The following SPECC1L variants were observed in gnomAD, a reference collection of about 807,000 sequenced individuals.
SPECC1L encodes sperm antigen with calponin homology and coiled-coil domains 1 like, also known as cytospin-A.
SPECC1L carries 40 observed loss-of-function variants against 116.8 expected under a neutral mutation model. The ratio of observed to expected loss-of-function variants is 0.34; its 90% CI spans 0.27 to 0.45. The LOEUF (loss-of-function observed/expected upper bound fraction) is 0.45, where lower values mean the gene tolerates loss of function less well. Ranked by LOEUF, SPECC1L falls within the 20% of genes least tolerant of loss-of-function variation. SPECC1L has a pLI of 1.00. For synonymous variants in SPECC1L, 504 were observed against 500.6 expected (o/e 1.01, Z -0.09); for missense variants, 1,110 against 1,373.6 (o/e 0.81, Z 3.03).
chr22:24,330,067 C>T (rs990546134), intron 7 of SPECC1L, among the ~76,000 whole-genome samples, 189 bp from the exon 8 acceptor site: 1 of 152,144 alleles, frequency 6.6e-6, no homozygotes, highest in Non-Finnish European at 1.5e-5. Flanking sequence ...TTATTAAGAA[C>T]AAGTTCACTA....
rs376914220 is a variant in SPECC1L, at chr22:24,329,472, A to G, written c.2220+553A>G. On this transcript the variant is annotated intron_variant, in intron 7 of 16. Transcript: ENST00000314328. ...TTTCTTCATTTTGTGGCCATGATCC[A>G]TCTTGCCAACAGCAATGCAGCCATG... Among the ~76,000 whole-genome samples the G allele has an allele frequency of 2.0e-5, 3 of 152,390 alleles. No individual in the cohort carries two copies. The East Asian group carries it at 5.8e-4, about 29-fold the overall frequency.
intron 16 of SPECC1L, 30 bp downstream of exon 16, chr22:24,412,737 AG>A (rs2042723641): frequency 6.2e-7 from 1 of 1,611,364 alleles, no homozygotes; most frequent in Admixed American, 1.7e-5. Context: ...AGTCACTGGC[AG>A]GGCCCTCCTT....
At chr22:24,365,747 GTGT>G in intron 13 of SPECC1L, 115 bp downstream of exon 13, 1 of 1,232,986 alleles carries the variant, frequency 8.1e-7, no homozygotes, top group Non-Finnish European at 1.2e-6. Flanking sequence ...CTTTTTCTGT[GTGT>G]TGTTTGCGAA....
intron 14 of SPECC1L, among the ~76,000 whole-genome samples, chr22:24,407,376 C>A (rs922496051): frequency 6.6e-6 from 1 of 152,102 alleles, no homozygotes; most frequent in African/African-American, 2.4e-5. Context: ...TCTTCCCTGG[C>A]GGGGTGTTGG....
At chr22:24,373,217 T>A (rs1444292620) in intron 14 of SPECC1L, among the ~76,000 whole-genome samples, 1 of 152,114 alleles carries the variant, frequency 6.6e-6, no homozygotes, top group African/African-American at 2.4e-5. Context: ...AATTTATAGA[T>A]TCAGTGCCAT....
chr22:24,377,314 C>A (rs115442877), intron 14 of SPECC1L, among the ~76,000 whole-genome samples: 2,210 of 150,222 alleles, frequency 0.015, 60 homozygotes, highest in African/African-American at 0.051. Context: ...CTGTTAAGAA[C>A]TTTTTTTTTT....
At chr22:24,330,648 A>G (rs2040919007) in intron 8 of SPECC1L, among the ~76,000 whole-genome samples, 1 of 152,144 alleles carries the variant, frequency 6.6e-6, no homozygotes, top group Non-Finnish European at 1.5e-5. Context: ...AGTGATCCCC[A>G]ACTCTGGAGG....
At chr22:24,303,737 G>C (rs1472814279) in intron 3 of SPECC1L, among the ~76,000 whole-genome samples, 1 of 152,086 alleles carries the variant, frequency 6.6e-6, no homozygotes, top group Non-Finnish European at 1.5e-5. Flanking sequence ...ATTTGGTCTT[G>C]AACAGTGAGT....
intron 2 of SPECC1L, among the ~76,000 whole-genome samples, chr22:24,291,612 A>C (rs1328898612): frequency 6.6e-6 from 1 of 151,982 alleles, no homozygotes; most frequent in East Asian, 1.9e-4. Context: ...GTAGTCATAC[A>C]TGGGGCATGC....
intron 2 of SPECC1L, among the ~76,000 whole-genome samples, chr22:24,285,155 T>G (rs972296467): frequency 6.6e-6 from 1 of 152,098 alleles, no homozygotes; most frequent in Non-Finnish European, 1.5e-5. Flanking sequence ...TAAGTCGGAG[T>G]GGAAGCAGCC....
rs9620372 is a variant in SPECC1L, at chr22:24,271,356, C to G, written c.-142+373C>G. ...CTCCGGGAGAGGCTGGGGCTGCCGC[C>G]CCATCGCCCGGGTCCCTTGCCTGGG... On this transcript the variant is annotated intron_variant, in intron 1 of 16. Coordinates refer to ENST00000314328, the MANE Select transcript of SPECC1L (RefSeq NM_015330.6). Among the ~76,000 whole-genome samples, 549 of 152,358 alleles carry G rather than the reference C, an allele frequency of 3.6e-3. 1 individual carries two copies. Among genetic ancestry groups the G allele is most frequent in the Middle Eastern group, 6.8e-3 (2 of 294 alleles).
At chr22:24,302,032 C>A (rs113491617) in intron 2 of SPECC1L, among the ~76,000 whole-genome samples, 163 bp from the exon 3 acceptor site, 4 of 150,358 alleles carry the variant, frequency 2.7e-5, no homozygotes, top group Non-Finnish European at 5.9e-5. Flanking sequence ...GGTGACAGAG[C>A]GAGACTCCGT....
chr22:24,360,839 A>G (rs1332608762), intron 11 of SPECC1L, among the ~76,000 whole-genome samples: 2 of 152,128 alleles, frequency 1.3e-5, no homozygotes, highest in African/African-American at 2.4e-5. Flanking sequence ...TACTATTTCC[A>G]TGTTCTTTTG....
intron 14 of SPECC1L, among the ~76,000 whole-genome samples, chr22:24,390,873 T>TTTTTTTTTTTTTTTC (rs2042255308): frequency 2.0e-5 from 1 of 50,926 alleles, no homozygotes; most frequent in Non-Finnish European, 3.9e-5. Flanking sequence ...TTTTCTTTTC[T>TTTTTTTTTTTTTTTC]TTTTTTTTTT....
intron 16 of SPECC1L, among the ~76,000 whole-genome samples, chr22:24,413,850 GTC>G (rs1569452320): frequency 4.6e-5 from 7 of 152,120 alleles, no homozygotes; most frequent in Non-Finnish European, 7.4e-5. Flanking sequence ...TCCTGTGCTC[GTC>G]ACCCATGGGA....
rs1479653417 is a variant in SPECC1L, at chr22:24,322,733, A to C, written c.1753A>C (p.Asn585His). 1.9e-6 allele frequency: 3 copies of C among 1,583,942 alleles called. No individual in the cohort carries two copies. In the East Asian group the frequency reaches 6.7e-5, roughly 35 times the overall value. The change falls in exon 5 of 17, where the codon AAT (asparagine) becomes CAT (histidine). Residue 585 changes from asparagine to histidine, a missense_variant. Transcript: ENST00000314328. ...GAATCGCCTGAAGGCTCAGCTGGAG[A>C]ATGAAAAGCAGAAAGTGGCAGAGCT... is the stretch of plus-strand genomic sequence containing the variant. ...EMNRLKAQLENEKQKVAELYS... is the reference protein window; with the variant it reads ...EMNRLKAQLEHEKQKVAELYS...
chr22:24,313,920 G>A (rs1254325722), intron 4 of SPECC1L, among the ~76,000 whole-genome samples: 1 of 151,804 alleles, frequency 6.6e-6, no homozygotes, highest in African/African-American at 2.4e-5. Context: ...TGTATTTTTA[G>A]TAGAGATGGG....
intron 14 of SPECC1L, among the ~76,000 whole-genome samples, chr22:24,377,056 A>G (rs1272626300): frequency 2.0e-5 from 3 of 152,236 alleles, no homozygotes; most frequent in South Asian, 2.1e-4. Flanking sequence ...TTTCTGTCCT[A>G]TAGATTTCTT....
At position 24,305,017 on chromosome 22, in the gene SPECC1L, TG is replaced by T. The variant is rs1185120361; in HGVS notation, c.153+2639del. ...CATTTCATGTTTTTAGACTTACTGA[TG>T]GGGGGTGTTTATGTGTGAGAATGCA... is the stretch of plus-strand genomic sequence containing the variant. On this transcript the variant is annotated intron_variant, in intron 3 of 16. Coordinates refer to ENST00000314328, the MANE Select transcript of SPECC1L (RefSeq NM_015330.6). Among the ~76,000 whole-genome samples the T allele has an allele frequency of 2.6e-5, 4 of 152,314 alleles. No individual in the cohort carries two copies. The South Asian group carries it at 6.2e-4, about 24-fold the overall frequency.
Sources: allele counts gnomAD v4.1 joint callset (sites outside exome capture counted in the v4.1 genomes callset), GRCh38; gene constraint gnomAD v4.1.1; transcripts MANE v1.5; gene names NCBI Gene and HGNC (gene_info 2026-07-23, HGNC 2026-07-21).